MTCL2: variants seen among roughly 807,000 people sequenced by gnomAD.
The protein encoded by MTCL2 is microtubule crosslinking factor 2.
chr20:36,801,775 G>A, the MTCL2 span, among the ~76,000 whole-genome samples: 1 of 151,830 alleles, frequency 6.6e-6, no homozygotes, highest in African/African-American at 2.4e-5. Flanking sequence ...AGACCAGCCT[G>A]GCCAACATGG....
At chr20:36,804,703 G>C in the MTCL2 span, 11 of 1,606,458 alleles carry the variant, frequency 6.8e-6, no homozygotes, top group South Asian at 1.2e-4. Flanking sequence ...CTGAGAGTAA[G>C]GGGAGAGGCG....
At chr20:36,850,814 C>T in the MTCL2 span, among the ~76,000 whole-genome samples, 1 of 152,342 alleles carries the variant, frequency 6.6e-6, no homozygotes, top group South Asian at 2.1e-4. Flanking sequence ...GGGAATCACC[C>T]AAATGTCCCT....
chr20:36,790,428 CTT>C, the MTCL2 span, among the ~76,000 whole-genome samples: 58 of 101,112 alleles, frequency 5.7e-4, no homozygotes, highest in Middle Eastern at 0.012. Context: ...ACGCCTGGCC[CTT>C]TTTTTTTTTT....
chr20:36,804,652 C>A, the MTCL2 span: 1 of 1,545,764 alleles, frequency 6.5e-7, no homozygotes. Flanking sequence ...AGGAGCATGG[C>A]CTTGGTATTC....
At chr20:36,824,399 C>T in the MTCL2 span, among the ~76,000 whole-genome samples, 1 of 152,060 alleles carries the variant, frequency 6.6e-6, no homozygotes, top group Non-Finnish European at 1.5e-5. Context: ...AAACCTGATG[C>T]TAAGTAAAAG....
the MTCL2 span, chr20:36,796,916 A>C: frequency 1.2e-6 from 2 of 1,613,858 alleles, no homozygotes; most frequent in Non-Finnish European, 1.7e-6. Context: ...TCAACTTCGG[A>C]AACAGCCTCC....
chr20:36,799,239 C>T, the MTCL2 span, among the ~76,000 whole-genome samples: 1 of 151,938 alleles, frequency 6.6e-6, no homozygotes, highest in South Asian at 2.1e-4. Flanking sequence ...ACCTGTAATC[C>T]CAGCACTTTG....
chr20:36,789,034 G>A, the MTCL2 span, among the ~76,000 whole-genome samples: 1 of 152,022 alleles, frequency 6.6e-6, no homozygotes, highest in East Asian at 1.9e-4. Context: ...TCAAACTCCC[G>A]ACCTCAGGTG....
chr20:36,828,731 G>C, the MTCL2 span: 1 of 281,484 alleles, frequency 3.6e-6, no homozygotes, highest in Non-Finnish European at 6.7e-6. Flanking sequence ...GCCTGACATT[G>C]TTGCATGTTT....
At chr20:36,805,546 T>C in the MTCL2 span, among the ~76,000 whole-genome samples, 1 of 152,168 alleles carries the variant, frequency 6.6e-6, no homozygotes, top group Non-Finnish European at 1.5e-5. Context: ...CACACAGAGT[T>C]CTCTTGGTCC....
the MTCL2 span, chr20:36,804,636 T>G: frequency 2.7e-6 from 4 of 1,478,886 alleles, no homozygotes; most frequent in African/African-American, 5.6e-5. Context: ...GCATTCTTAT[T>G]CCTCTAGGAG....
the MTCL2 span, chr20:36,808,803 T>A: frequency 6.9e-7 from 1 of 1,458,062 alleles, no homozygotes; most frequent in Non-Finnish European, 9.2e-7. Flanking sequence ...CACCCCTTTC[T>A]GGGCCCCTGG....
At chr20:36,863,005 G>C in the MTCL2 span, 1 of 1,402,784 alleles carries the variant, frequency 7.1e-7, no homozygotes, top group Admixed American at 2.6e-5. This position sits in a 1 kb window ranked among gnomAD's most constrained non-coding sequence, Gnocchi z 6.2. Context: ...GTGAGGCTGG[G>C]GGGCGGCGGT....
chr20:36,790,167 A>G, the MTCL2 span, among the ~76,000 whole-genome samples: 1 of 147,072 alleles, frequency 6.8e-6, no homozygotes, highest in African/African-American at 2.5e-5. Context: ...AACTTTTTGT[A>G]TTTTTAGTAG....
At chr20:36,803,238 AACCC>A in the MTCL2 span, 2 of 1,363,636 alleles carry the variant, frequency 1.5e-6, no homozygotes, top group Non-Finnish European at 1.9e-6. Context: ...ACTAGGGACT[AACCC>A]AGCTTAGTCC....
chr20:36,828,920 A>G, the MTCL2 span: 1 of 930,716 alleles, frequency 1.1e-6, no homozygotes, highest in African/African-American at 1.7e-5. Context: ...GGAATGAATG[A>G]ATAAACAACC....
chr20:36,799,858 A>C, the MTCL2 span, among the ~76,000 whole-genome samples: 1 of 152,330 alleles, frequency 6.6e-6, no homozygotes, highest in Non-Finnish European at 1.5e-5. Flanking sequence ...TGGCTATCTC[A>C]CTTTATTTCC....
the MTCL2 span, among the ~76,000 whole-genome samples, chr20:36,822,456 C>T: frequency 6.6e-6 from 1 of 152,252 alleles, no homozygotes; most frequent in Non-Finnish European, 1.5e-5. Flanking sequence ...CTTTGAGCAG[C>T]CAGTGTGGTA....
At chr20:36,803,034 C>T in the MTCL2 span, 18 of 1,604,214 alleles carry the variant, frequency 1.1e-5, no homozygotes, top group Admixed American at 1.7e-5. Flanking sequence ...CTGCTCCTCA[C>T]GCTCCCGCTG....
Sources: allele counts gnomAD v4.1 joint callset (sites outside exome capture counted in the v4.1 genomes callset), GRCh38; gene constraint gnomAD v4.1.1; non-coding constraint Gnocchi (gnomAD v3.1); transcripts MANE v1.5; gene names NCBI Gene and HGNC (gene_info 2026-07-23, HGNC 2026-07-21).